Variants in SLC4A10 observed in about 807,000 individuals in gnomAD.
SLC4A10 encodes sodium-driven chloride bicarbonate exchanger.
In SLC4A10, 42 loss-of-function variants were observed where a neutral mutation model predicts 137.7. That is an observed-to-expected ratio of 0.30 (90% CI 0.24 to 0.39). The LOEUF (loss-of-function observed/expected upper bound fraction) is 0.39, where lower values mean the gene tolerates loss of function less well. Ranked by LOEUF, SLC4A10 falls within the 10% of genes least tolerant of loss-of-function variation. SLC4A10 has a pLI of 1.00. For missense variants in SLC4A10, 925 were observed against 1,355.0 expected, an observed-to-expected ratio of 0.68 and a Z score of 4.98; for synonymous variants, 474 against 464.1, an observed-to-expected ratio of 1.02 and a Z score of -0.27.
chr2:161,859,571 C>CT (rs1204995058), intron 5 of SLC4A10, among the ~76,000 whole-genome samples: 2 of 128,584 alleles, frequency 1.6e-5, no homozygotes, highest in Non-Finnish European at 3.4e-5. Context: ...CCTATTTGTC[C>CT]TTTTTTTCTT....
intron 16 of SLC4A10, among the ~76,000 whole-genome samples, chr2:161,945,182 G>GTATATATA (rs56159201): frequency 7.9e-5 from 7 of 88,856 alleles, no homozygotes; most frequent in African/African-American, 1.7e-4. Context: ...AAGTTTGTGT[G>GTATATATA]TATATATATA....
intron 1 of SLC4A10, among the ~76,000 whole-genome samples, chr2:161,751,342 T>C (rs2048945397): frequency 1.4e-5 from 2 of 147,396 alleles, no homozygotes; most frequent in Non-Finnish European, 3.0e-5. Context: ...ACTGTCTTTG[T>C]TGCATTTTGC....
chr2:161,658,006 G>C (rs2037778123), intron 1 of SLC4A10, among the ~76,000 whole-genome samples: 1 of 152,116 alleles, frequency 6.6e-6, no homozygotes, highest in Non-Finnish European at 1.5e-5. Flanking sequence ...GTTAATAGCA[G>C]GGCATTTTTC....
chr2:161,841,874 C>T (rs2059206189), intron 4 of SLC4A10, among the ~76,000 whole-genome samples: 1 of 152,098 alleles, frequency 6.6e-6, no homozygotes, highest in Non-Finnish European at 1.5e-5. Flanking sequence ...CATCTTTCCC[C>T]CAAAATTTAA....
At chr2:161,973,267 C>A (rs993056752) in intron 23 of SLC4A10, among the ~76,000 whole-genome samples, 1 of 152,062 alleles carries the variant, frequency 6.6e-6, no homozygotes, top group Non-Finnish European at 1.5e-5. Flanking sequence ...TGAAGTATTT[C>A]TTTGAACTGA....
At chr2:161,971,542 C>CAACTACTCAG (rs1199354531) in intron 23 of SLC4A10, among the ~76,000 whole-genome samples, 1 of 152,166 alleles carries the variant, frequency 6.6e-6, no homozygotes, top group African/African-American at 2.4e-5. Context: ...ATTTTTCTGA[C>CAACTACTCAG]TTCTAAGCTG....
intron 2 of SLC4A10, among the ~76,000 whole-genome samples, chr2:161,782,338 A>T (rs2053128226): frequency 6.6e-6 from 1 of 152,024 alleles, no homozygotes; most frequent in African/African-American, 2.4e-5. Flanking sequence ...AGGTTTAAGA[A>T]GCTTTAGAAT....
At chr2:161,670,671 T>C (rs1240358041) in intron 1 of SLC4A10, among the ~76,000 whole-genome samples, 1 of 152,030 alleles carries the variant, frequency 6.6e-6, no homozygotes, top group African/African-American at 2.4e-5. Flanking sequence ...ACTCTTCAAG[T>C]GTTTTTATAG....
chr2:161,849,451 G>A (rs150877275), intron 4 of SLC4A10, among the ~76,000 whole-genome samples: 99 of 152,156 alleles, frequency 6.5e-4, no homozygotes, highest in African/African-American at 2.3e-3. Context: ...AATAAGAATG[G>A]TGAGAGTGGG....
intron 2 of SLC4A10, among the ~76,000 whole-genome samples, chr2:161,790,330 A>C (rs567009914): frequency 1.3e-5 from 2 of 152,236 alleles, no homozygotes; most frequent in South Asian, 4.1e-4. Context: ...TCTTACTTTA[A>C]ATTATCTTCT....
chr2:161,786,180 T>A (rs530486053), intron 2 of SLC4A10, among the ~76,000 whole-genome samples: 16 of 152,020 alleles, frequency 1.1e-4, no homozygotes, highest in Non-Finnish European at 2.2e-4. Context: ...AATGTTATTC[T>A]TTGTCTTTTT....
rs61743991 is a variant in SLC4A10, at chr2:161,902,864, C to A, written c.1443-1140C>A. ...ATTCTAGGACTGCCAAATGAATATT[C>A]CTATGCATAAAATAAATAAGAAAAA... is the stretch of plus-strand genomic sequence containing the variant. On this transcript the variant is annotated intron_variant, in intron 12 of 26. Coordinates refer to ENST00000446997, the MANE Select transcript of SLC4A10 (RefSeq NM_001178015.2). Among the ~76,000 whole-genome samples the A allele has an allele frequency of 2.2e-3, 329 of 152,174 alleles. 1 individual carries two copies. The highest frequency in any genetic ancestry group is 7.4e-3 in the African/African-American group (307 of 41,542).
At chr2:161,829,978 A>G (rs2058326259) in intron 3 of SLC4A10, among the ~76,000 whole-genome samples, 1 of 152,186 alleles carries the variant, frequency 6.6e-6, no homozygotes, top group African/African-American at 2.4e-5. Context: ...ATTATCTCTC[A>G]CTGGGTCTCT....
At chr2:161,695,265 A>G (rs796168158) in intron 1 of SLC4A10, among the ~76,000 whole-genome samples, 6 of 152,216 alleles carry the variant, frequency 3.9e-5, no homozygotes, top group African/African-American at 1.2e-4. Context: ...TAGCACACCT[A>G]TAATTAGCAT....
chr2:161,809,415 A>G (rs1006140151), intron 3 of SLC4A10, among the ~76,000 whole-genome samples: 1 of 151,948 alleles, frequency 6.6e-6, no homozygotes, highest in African/African-American at 2.4e-5. Flanking sequence ...TTTTGTTTCA[A>G]TTGCTTTTGG....
intron 2 of SLC4A10, among the ~76,000 whole-genome samples, chr2:161,774,103 C>T (rs1470577598): frequency 1.3e-5 from 2 of 151,768 alleles, no homozygotes; most frequent in East Asian, 1.9e-4. Flanking sequence ...GCAATAAAAA[C>T]GGTGAAGGGT....
intron 1 of SLC4A10, among the ~76,000 whole-genome samples, chr2:161,630,679 C>T (rs1191227035): frequency 6.6e-6 from 1 of 151,706 alleles, no homozygotes; most frequent in African/African-American, 2.4e-5. Flanking sequence ...GCATCAACGG[C>T]TGAGTTCCAA....
intron 1 of SLC4A10, among the ~76,000 whole-genome samples, chr2:161,722,039 C>A (rs1301582650): frequency 6.6e-6 from 1 of 152,208 alleles, no homozygotes; most frequent in Non-Finnish European, 1.5e-5. Flanking sequence ...TCCATCAGGT[C>A]ATTTACGTTC....
At position 161,903,589 on chromosome 2, in the gene SLC4A10, C is replaced by T. The variant is rs535646092; in HGVS notation, c.1443-415C>T. On this transcript the variant is annotated intron_variant, in intron 12 of 26. Coordinates refer to ENST00000446997, the MANE Select transcript of SLC4A10 (RefSeq NM_001178015.2). ...GTATACAAAAGCCAGCTAACCCTCC[C>T]TCCCTCACTTCCTGCTATGCTAAAT... Among the ~76,000 whole-genome samples, 10 of 152,310 alleles carry T rather than the reference C, an allele frequency of 6.6e-5. No individual in the cohort carries two copies. In the South Asian group the frequency reaches 2.1e-3, roughly 32 times the overall value.
Sources: gnomAD v4.1 joint callset for allele counts (sites outside exome capture counted in the v4.1 genomes callset) on GRCh38, gnomAD v4.1.1 for gene constraint, MANE v1.5 for transcripts, NCBI Gene and HGNC (gene_info 2026-07-23, HGNC 2026-07-21) for gene names.